Variants in ULK2 observed in about 807,000 individuals in gnomAD.
The protein encoded by ULK2 is serine/threonine-protein kinase ULK2.
A neutral mutation model predicts 127.5 loss-of-function variants in ULK2; 76 were observed. That is an observed-to-expected ratio of 0.60 (90% CI 0.50 to 0.72). The LOEUF is 0.72. Ranked by LOEUF, ULK2 falls within the 30% of genes least tolerant of loss-of-function variation. The pLI is 0.00. For synonymous variants in ULK2, 452 were observed against 461.9 expected, an observed-to-expected ratio of 0.98 and a Z score of 0.28; for missense variants, 1,144 against 1,295.9, an observed-to-expected ratio of 0.88 and a Z score of 1.80.
chr17:19,845,457 A>C, intron 6 of ULK2, 80 bp from the exon 7 acceptor site: 1 of 1,067,204 alleles, frequency 9.4e-7, no homozygotes, highest in Non-Finnish European at 1.4e-6. Context: ...TCTTCGAGAC[A>C]CAAGAAGGCA....
At chr17:19,860,919 T>C (rs923650425) in intron 3 of ULK2, 1 of 152,018 alleles carries the variant, frequency 6.6e-6, no homozygotes, top group South Asian at 2.1e-4. Flanking sequence ...CAGGTTCGAT[T>C]CCTGGCCAAT....
chr17:19,807,508 T>C (rs1435876000), intron 14 of ULK2, among the ~76,000 whole-genome samples: 3 of 152,194 alleles, frequency 2.0e-5, no homozygotes, highest in African/African-American at 7.2e-5. Flanking sequence ...TTATATTCCC[T>C]ACATGTACTG....
At chr17:19,776,484 A>G (rs774005652) in intron 26 of ULK2, 77 bp from the exon 27 acceptor site, 289 of 1,279,610 alleles carry the variant, frequency 2.3e-4, no homozygotes, top group Non-Finnish European at 2.6e-4. Flanking sequence ...TCTTTGCCCC[A>G]AAGTTAACAG....
At chr17:19,840,556 C>T (rs2041720700) in intron 9 of ULK2, 2 of 254,086 alleles carry the variant, frequency 7.9e-6, no homozygotes, top group South Asian at 5.4e-5. Flanking sequence ...CCTAAATAGT[C>T]TATTAATCAT....
At chr17:19,827,047 C>T (rs903443451) in intron 10 of ULK2, among the ~76,000 whole-genome samples, 3 of 152,062 alleles carry the variant, frequency 2.0e-5, no homozygotes, top group Non-Finnish European at 4.4e-5. Context: ...GACCATAATT[C>T]TCATGGTTCA....
At chr17:19,841,389 G>A in intron 9 of ULK2, 100 bp downstream of exon 9, 1 of 1,223,730 alleles carries the variant, frequency 8.2e-7, no homozygotes, top group Non-Finnish European at 1.1e-6. Context: ...ATTATCAACT[G>A]AAAAAGAATT....
chr17:19,805,479 G>A (rs2087495612), intron 14 of ULK2, among the ~76,000 whole-genome samples: 2 of 152,030 alleles, frequency 1.3e-5, no homozygotes, highest in South Asian at 2.1e-4. Flanking sequence ...CCCTAAGAGA[G>A]ATGACTTATT....
intron 10 of ULK2, among the ~76,000 whole-genome samples, chr17:19,826,574 G>T (rs930387896): frequency 1.3e-5 from 2 of 152,158 alleles, no homozygotes; most frequent in African/African-American, 4.8e-5. Flanking sequence ...GCTGTTAATT[G>T]TCCTAAGAGG....
intron 3 of ULK2, among the ~76,000 whole-genome samples, chr17:19,850,234 G>A (rs1330585225): frequency 6.6e-6 from 1 of 152,162 alleles, no homozygotes; most frequent in Non-Finnish European, 1.5e-5. Flanking sequence ...TATGACTCAG[G>A]ACGCCTGGTT....
intron 9 of ULK2, among the ~76,000 whole-genome samples, chr17:19,840,746 G>A (rs923196549): frequency 6.6e-6 from 1 of 151,412 alleles, no homozygotes; most frequent in African/African-American, 2.4e-5. Context: ...AAAATTAGAG[G>A]GGCGTGGTGG....
At chr17:19,848,510 G>A (rs773113206) in intron 5 of ULK2, among the ~76,000 whole-genome samples, 4 of 152,134 alleles carry the variant, frequency 2.6e-5, no homozygotes, top group Admixed American at 1.3e-4. Context: ...CCCAGTGTGT[G>A]GCTCACGCCT....
At chr17:19,805,965 T>C (rs1316306739) in intron 14 of ULK2, among the ~76,000 whole-genome samples, 1 of 152,252 alleles carries the variant, frequency 6.6e-6, no homozygotes, top group Non-Finnish European at 1.5e-5. Flanking sequence ...GAGCTCTCTC[T>C]ATACATTTTT....
Position 19,810,771 on chromosome 17 carries a change from T to G in ULK2, c.1097-333A>C, listed in dbSNP as rs372109436. 26 of 196,984 alleles carry G rather than the reference T, an allele frequency of 1.3e-4. No individual in the cohort carries two copies. The East Asian group carries it at 2.4e-3, about 18-fold the overall frequency. 12.2% of individuals were successfully genotyped at this position (196,984 alleles called of 1,614,324 possible). ...TATCAGGTTCCTTTTTCTGTGTCAA[T>G]GACAAAAGTTCTGAGAGTTGTGCCC... On this transcript the variant is annotated intron_variant, in intron 13 of 26. Coordinates refer to ENST00000395544, the MANE Select transcript of ULK2 (RefSeq NM_014683.4).
chr17:19,782,919 T>TAAAC (rs4005459), intron 22 of ULK2, among the ~76,000 whole-genome samples: 97,164 of 148,894 alleles, frequency 0.65, 31,613 homozygotes, highest in Middle Eastern at 0.78. Flanking sequence ...CTGTCTCAAA[T>TAAAC]AAACAAACAA....
chr17:19,783,958 C>T (rs1033370223), intron 21 of ULK2, 53 bp from the exon 22 acceptor site: 2 of 1,342,774 alleles, frequency 1.5e-6, no homozygotes, highest in Non-Finnish European at 1.9e-6. Flanking sequence ...GCTTTCACAC[C>T]CACTCCTACT....
intron 13 of ULK2, among the ~76,000 whole-genome samples, chr17:19,815,379 G>A (rs2040962953): frequency 6.6e-6 from 1 of 151,978 alleles, no homozygotes. Flanking sequence ...CCTGGAGGGG[G>A]TTCAACGATT....
At chr17:19,786,771 G>A (rs1299947214) in intron 20 of ULK2, among the ~76,000 whole-genome samples, 4 of 150,628 alleles carry the variant, frequency 2.7e-5, no homozygotes, top group Admixed American at 2.0e-4. Context: ...CAAATAAACA[G>A]AAGCTGAGAG....
In ULK2 at chr17:19,796,164, G is replaced by T. The variant is rs761566029; in HGVS notation, c.1928C>A (p.Ala643Asp). The T allele has an allele frequency of 1.2e-5, 20 of 1,614,066 alleles. No homozygotes were observed. Among genetic ancestry groups the T allele is most frequent in the Non-Finnish European group, 1.7e-5 (20 of 1,180,046 alleles). The part of the protein sequence containing the change: ...SKDGNEPREC[A>D]HCLLVQGSER... ...ACTTCCTTGCACTAAGAGGCAATGG[G>T]CACATTCCCGTGGCTCATTCCCATC... is the stretch of plus-strand genomic sequence containing the variant. The change falls in exon 19 of 27, where the codon GCC becomes GAC. Residue 643 changes from alanine (A) to aspartate (D), a missense_variant. Ala to Asp is a moderately radical substitution (Grantham distance 126). This residue lies in a region of ULK2 where 913 missense variants were observed against 970.5 expected (regional missense o/e 0.94). Coordinates refer to ENST00000395544, the MANE Select transcript of ULK2 (RefSeq NM_014683.4).
intron 13 of ULK2, among the ~76,000 whole-genome samples, chr17:19,814,439 T>TATA (rs1491246393): frequency 0.019 from 186 of 9,900 alleles, no homozygotes; most frequent in African/African-American, 0.027. Context: ...TATATATATA[T>TATA]TTTTTTTTTT....
Sources: allele counts gnomAD v4.1 joint callset (sites outside exome capture counted in the v4.1 genomes callset), GRCh38; gene constraint gnomAD v4.1.1; regional missense constraint gnomAD v4.1.1; transcripts MANE v1.5; gene names NCBI Gene and HGNC (gene_info 2026-07-23, HGNC 2026-07-21).